SCEL: variants seen among roughly 807,000 people sequenced by gnomAD.
The protein encoded by SCEL is sciellin.
Under a neutral mutation model 117.6 loss-of-function variants are expected in SCEL, and 113 were observed. The ratio of observed to expected loss-of-function variants is 0.96; its 90% CI spans 0.83 to 1.12. The LOEUF (loss-of-function observed/expected upper bound fraction) is 1.12. Ranked by LOEUF, SCEL falls within the 50% of genes most tolerant of loss-of-function variation. SCEL has a pLI of 0.00. For synonymous variants in SCEL, 270 were observed against 256.2 expected, an observed-to-expected ratio of 1.05 and a Z score of -0.51; for missense variants, 785 against 810.8, an observed-to-expected ratio of 0.97 and a Z score of 0.39.
Position 77,555,907 on chromosome 13 carries a change from C to G in SCEL, c.32C>G (p.Pro11Arg). The change falls in exon 2 of 33, where the codon CCC (proline) becomes CGC (arginine). Residue 11 changes from proline (P) to arginine (R), a missense_variant. Transcript: ENST00000349847. ...AATGTTACCTTGAGAAAAATGTCTC[C>G]CACAGGAAATGGTAATGTACATGAT... MSNVTLRKMSPTGNEMKSTTQ... is the reference protein window; with the variant it reads MSNVTLRKMSRTGNEMKSTTQ... The G allele has an allele frequency of 6.2e-7, 1 of 1,613,406 alleles. No individual in the cohort carries two copies. The highest frequency in any genetic ancestry group is 8.5e-7 in the Non-Finnish European group (1 of 1,179,536).
intron 1 of SCEL, among the ~76,000 whole-genome samples, chr13:77,553,528 C>G (rs2084472223): frequency 6.6e-6 from 1 of 152,172 alleles, no homozygotes; most frequent in Non-Finnish European, 1.5e-5. Context: ...AAAATAGTCA[C>G]TAGTTGAGCT....
At chr13:77,574,892 A>G (rs77888608) in intron 9 of SCEL, among the ~76,000 whole-genome samples, 2,722 of 152,296 alleles carry the variant, frequency 0.018, 76 homozygotes, top group African/African-American at 0.062. Flanking sequence ...CTTCTCCAAA[A>G]GAATTTTCTC....
At chr13:77,541,313 A>G (rs1296292448) in intron 1 of SCEL, among the ~76,000 whole-genome samples, 3 of 152,342 alleles carry the variant, frequency 2.0e-5, no homozygotes, top group African/African-American at 7.2e-5. Flanking sequence ...CTATTATATT[A>G]TTAAAAAGAT....
At position 77,589,236 on chromosome 13, in the gene SCEL, T is replaced by C; in HGVS notation, c.626+12T>C. On this transcript the variant is annotated intron_variant, in intron 10 of 32. Coordinates refer to ENST00000349847, the MANE Select transcript of SCEL (RefSeq NM_144777.3). ...AGACAGGATAATAGGTAAGACCTAG[T>C]ACTCCAGAATTTCTTGACAAAATGA... The C allele has an allele frequency of 6.3e-7, 1 of 1,575,644 alleles. No homozygotes were observed.
chr13:77,618,382 T>G (rs2089220578), intron 27 of SCEL, among the ~76,000 whole-genome samples: 1 of 152,042 alleles, frequency 6.6e-6, no homozygotes. Context: ...GGGGTCTTAC[T>G]AGTTGCCCAG....
chr13:77,583,272 A>G (rs1308036990), intron 9 of SCEL, among the ~76,000 whole-genome samples: 2 of 152,194 alleles, frequency 1.3e-5, no homozygotes, highest in Non-Finnish European at 2.9e-5. Context: ...AGCTTTTTCC[A>G]GAGTCAAAGA....
At chr13:77,558,345 A>T (rs1567347572) in intron 3 of SCEL, among the ~76,000 whole-genome samples, 1 of 152,148 alleles carries the variant, frequency 6.6e-6, no homozygotes, top group Non-Finnish European at 1.5e-5. Context: ...TCCGCCTCAG[A>T]TAAAAACATG....
chr13:77,612,807 C>A, intron 22 of SCEL, 84 bp from the exon 23 acceptor site: 1 of 724,044 alleles, frequency 1.4e-6, no homozygotes, highest in South Asian at 2.2e-5. Context: ...ATTAGCAGGT[C>A]ATTTGATTAA....
chr13:77,637,178 T>C lies in SCEL; in HGVS notation c.1822T>C (p.Tyr608His), dbSNP rs867601251. 1 of 1,556,026 alleles carries C rather than the reference T, an allele frequency of 6.4e-7. No homozygotes were observed. The highest frequency in any genetic ancestry group is 1.4e-5 in the African/African-American group (1 of 71,924). Residue 608 changes from tyrosine (Y) to histidine (H), a missense_variant, in exon 30 of 33, where the codon TAT (tyrosine) becomes CAT (histidine). Coordinates refer to ENST00000349847, the MANE Select transcript of SCEL (RefSeq NM_144777.3). ...NISGKYIQTV[Y>H]STSDRSVIER... ...CTCTGGAAAATACATACAAACTGTT[T>C]ATTCAACTTCTGATAGGTGAGTATG...
chr13:77,628,387 G>T (rs977835117), intron 28 of SCEL, among the ~76,000 whole-genome samples: 2 of 151,990 alleles, frequency 1.3e-5, no homozygotes, highest in African/African-American at 4.8e-5. Flanking sequence ...TCTCAGCAGT[G>T]CAGAAAGCAC....
rs1190787627 is a variant in SCEL, at chr13:77,587,330, T to C, written c.546-1814T>C. ...TCCCATCAATTCTCAAAGTCATCTG[T>C]CTAGTGATTTCCCCCTCTCTCTCCT... On this transcript the variant is annotated intron_variant, in intron 9 of 32. Coordinates refer to ENST00000349847, the MANE Select transcript of SCEL (RefSeq NM_144777.3). Among the ~76,000 whole-genome samples, 3 of 152,000 alleles carry C rather than the reference T, an allele frequency of 2.0e-5. 1 individual carries two copies. The highest frequency in any genetic ancestry group is 2.0e-4 in the Admixed American group (3 of 15,242).
intron 18 of SCEL, 191 bp from the exon 19 acceptor site, chr13:77,604,165 A>AAAT: frequency 2.5e-6 from 1 of 404,800 alleles, no homozygotes. Flanking sequence ...TATTACTAAC[A>AAAT]AATAAGCAAC....
chr13:77,608,972 T>A, intron 20 of SCEL, 86 bp from the exon 21 acceptor site: 4 of 1,080,090 alleles, frequency 3.7e-6, no homozygotes, highest in Non-Finnish European at 5.3e-6. Context: ...AAAATTTATC[T>A]TGAGTACATG....
chr13:77,598,651 C>T (rs1011910208), intron 13 of SCEL, among the ~76,000 whole-genome samples: 49 of 152,170 alleles, frequency 3.2e-4, no homozygotes, highest in African/African-American at 1.1e-3. Context: ...AGGGCATTCT[C>T]AGGAGATCCT....
At chr13:77,586,599 G>A (rs1017058390) in intron 9 of SCEL, among the ~76,000 whole-genome samples, 9 of 152,084 alleles carry the variant, frequency 5.9e-5, no homozygotes, top group Admixed American at 5.9e-4. Context: ...TGTAAACGTG[G>A]CTAATGGTAA....
chr13:77,573,646 T>TATCTA (rs1431860178), intron 9 of SCEL, among the ~76,000 whole-genome samples: 1 of 131,924 alleles, frequency 7.6e-6, no homozygotes, highest in Non-Finnish European at 1.6e-5. Flanking sequence ...TACATCTATC[T>TATCTA]ATCTATCTAT....
chr13:77,597,496 C>G (rs371232710), intron 12 of SCEL, 49 bp from the exon 13 acceptor site: 9 of 1,125,846 alleles, frequency 8.0e-6, no homozygotes, highest in East Asian at 7.7e-5. Context: ...ACCCTTTGAC[C>G]CTGGGCAAGC....
rs532328134 is a variant in SCEL at position 77,613,022 on chromosome 13, G to A, written c.1388+81G>A. ...AAATAAGATTAATTATTTAACTAAA[G>A]ACATTTTGAAAGGGGACATGAAAAA... On this transcript the variant is annotated intron_variant, in intron 23 of 32. Transcript: ENST00000349847. 9.7e-6 allele frequency: 8 copies of A among 821,496 alleles called. No homozygotes were observed. In the South Asian group the frequency reaches 1.3e-4, roughly 13 times the overall value. The allele number at this position is 821,496 out of a possible 1,614,324, so 50.9% of individuals were successfully genotyped here.
chr13:77,643,226 A>G (rs1248034636), intron 32 of SCEL, among the ~76,000 whole-genome samples: 1 of 152,156 alleles, frequency 6.6e-6, no homozygotes, highest in Admixed American at 6.5e-5. Context: ...TAAATTGAAA[A>G]TTTAGTTAAT....
Sources: gnomAD v4.1 joint callset for allele counts (sites outside exome capture counted in the v4.1 genomes callset) on GRCh38, gnomAD v4.1.1 for gene constraint, MANE v1.5 for transcripts, NCBI Gene and HGNC (gene_info 2026-07-23, HGNC 2026-07-21) for gene names.